Variants in USP40 observed in about 807,000 individuals in gnomAD.
The protein encoded by USP40 is ubiquitin specific peptidase 40.
Under a neutral mutation model 166.2 loss-of-function variants are expected in USP40, and 143 were observed. The ratio of observed to expected loss-of-function variants is 0.86; its 90% CI spans 0.75 to 0.99. USP40 has a LOEUF of 0.99. Ranked by LOEUF, USP40 falls within the 50% of genes least tolerant of loss-of-function variation. USP40 has a pLI of 0.00. For missense variants in USP40, 1,444 were observed against 1,479.7 expected, an observed-to-expected ratio of 0.98 and a Z score of 0.40; for synonymous variants, 498 against 524.0, an observed-to-expected ratio of 0.95 and a Z score of 0.68.
At chr2:233,518,956 G>A (rs192676893) in intron 18 of USP40, among the ~76,000 whole-genome samples, 3 of 152,266 alleles carry the variant, frequency 2.0e-5, no homozygotes, top group East Asian at 1.9e-4. Flanking sequence ...CTATTGATAC[G>A]TACTAAATCA....
intron 31 of USP40, among the ~76,000 whole-genome samples, chr2:233,478,318 T>C (rs2064315479): frequency 6.6e-6 from 1 of 152,210 alleles, no homozygotes; most frequent in Admixed American, 6.5e-5. Context: ...AGAGCCCCAG[T>C]GACTCTGCGT....
chr2:233,476,614 A>G lies in USP40; in HGVS notation c.*778T>C, dbSNP rs1432127463. ...CTGCCTGCCCCGCTTCCACACAGGA[A>G]GAGAGGCTGAGGCGCTGTGGACGGC... On this transcript the variant is annotated 3_prime_UTR_variant, in exon 32 of 32. Transcript: ENST00000678225. 1.3e-5 allele frequency: 2 copies of G among 152,540 alleles called. No individual in the cohort carries two copies. The highest frequency in any genetic ancestry group is 4.8e-5 in the African/African-American group (2 of 41,464). 9.4% of individuals were successfully genotyped at this position (152,540 alleles called of 1,614,324 possible).
intron 13 of USP40, among the ~76,000 whole-genome samples, chr2:233,526,513 G>A (rs1048591241): frequency 1.3e-5 from 2 of 151,920 alleles, no homozygotes; most frequent in African/African-American, 4.8e-5. Flanking sequence ...AGGTTAAAAG[G>A]GAAATTGCTT....
At chr2:233,551,627 AATATT>A (rs1238430085) in intron 6 of USP40, 108 bp from the exon 7 acceptor site, 1 of 1,059,266 alleles carries the variant, frequency 9.4e-7, no homozygotes, top group Non-Finnish European at 1.3e-6. Flanking sequence ...TTCTAAGAGA[AATATT>A]ACATAAACTC....
intron 2 of USP40, among the ~76,000 whole-genome samples, 177 bp downstream of exon 2, chr2:233,565,177 ATT>A (rs1236060713): frequency 6.6e-6 from 1 of 152,248 alleles, no homozygotes; most frequent in East Asian, 1.9e-4. Flanking sequence ...TATATTTAAG[ATT>A]AAGCTTCACA....
At chr2:233,566,570 TC>T in intron 1 of USP40, 113 bp downstream of exon 1, 1 of 567,500 alleles carries the variant, frequency 1.8e-6, no homozygotes, top group South Asian at 7.6e-5. Context: ...GAGCGCCGCG[TC>T]CTCAGGCAGG....
At position 233,477,037 on chromosome 2, in the gene USP40, C is replaced by A. The variant is rs57468849; in HGVS notation, c.*355G>T. On this transcript the variant is annotated 3_prime_UTR_variant, in exon 32 of 32. Coordinates refer to ENST00000678225, the MANE Select transcript of USP40 (RefSeq NM_001365479.2). ...GCCTGACCCCACACACCTCCCACAG[C>A]GGAGCAACGGCATGCCGCTGCCTCC... 1 of 350,802 alleles carries A rather than the reference C, an allele frequency of 2.9e-6. No homozygotes were observed. The highest frequency in any genetic ancestry group is 2.2e-5 in the South Asian group (1 of 44,932). The allele number at this position is 350,802 out of a possible 1,614,324, so 21.7% of individuals were successfully genotyped here.
At chr2:233,514,091 C>A (rs1393597857) in intron 18 of USP40, among the ~76,000 whole-genome samples, 1 of 152,212 alleles carries the variant, frequency 6.6e-6, no homozygotes, top group Admixed American at 6.5e-5. Context: ...TCTTTAAAAT[C>A]TGTTGGTTTT....
intron 9 of USP40, among the ~76,000 whole-genome samples, chr2:233,541,897 T>C (rs1321136721): frequency 6.6e-6 from 1 of 152,042 alleles, no homozygotes; most frequent in Non-Finnish European, 1.5e-5. Context: ...ATGACAATAA[T>C]AGCCAAAAAA....
In USP40 at chr2:233,565,378, AAG is replaced by A. The variant is rs1158356641; in HGVS notation, c.175_176del (p.Leu59SerfsTer5). 9 of 1,537,190 alleles carry A rather than the reference AAG, an allele frequency of 5.9e-6. No homozygotes were observed. Among genetic ancestry groups the A allele is most frequent in the East Asian group, 2.4e-5 (1 of 41,034 alleles). On this transcript the variant is annotated frameshift_variant, in exon 2 of 32. Transcript: ENST00000678225. LOFTEE classifies it high-confidence loss of function. ...TACCTCTGAATTCAGGTGTGAAATG[AAG>A]AGTCTGAAGAAGGGAATTGAGGTAA... The part of the protein sequence containing the change: ...TCYLNSLLQT[L>X]HFTPEFREAL...
chr2:233,483,824 C>G (rs555319922), intron 30 of USP40, among the ~76,000 whole-genome samples: 1 of 152,306 alleles, frequency 6.6e-6, no homozygotes, highest in African/African-American at 2.4e-5. Flanking sequence ...CATAGATACT[C>G]AACTTGTATA....
At chr2:233,514,488 G>A (rs2067049470) in intron 18 of USP40, among the ~76,000 whole-genome samples, 1 of 151,740 alleles carries the variant, frequency 6.6e-6, no homozygotes, top group Non-Finnish European at 1.5e-5. Context: ...GTCAGCATGG[G>A]AAGTGAGTTG....
intron 23 of USP40, among the ~76,000 whole-genome samples, chr2:233,498,000 T>C (rs1026935574): frequency 4.6e-5 from 7 of 152,218 alleles, no homozygotes; most frequent in Non-Finnish European, 1.0e-4. Flanking sequence ...GGTCTTCTTC[T>C]AAGGCTACGC....
chr2:233,557,588 G>A (rs1469640645), intron 4 of USP40, among the ~76,000 whole-genome samples: 1 of 152,140 alleles, frequency 6.6e-6, no homozygotes, highest in African/African-American at 2.4e-5. Flanking sequence ...ACCAAACCAA[G>A]GGGCACACCA....
chr2:233,489,499 G>A lies in USP40; in HGVS notation c.3013-16C>T. 6.4e-7 allele frequency: 1 copy of A among 1,566,932 alleles called. No homozygotes were observed. Among genetic ancestry groups the A allele is most frequent in the Non-Finnish European group, 8.7e-7 (1 of 1,154,712 alleles). On this transcript the variant is annotated splice_polypyrimidine_tract_variant and intron_variant, in intron 26 of 31. Transcript: ENST00000678225. ...AGGTCATGGCCTAGAAAAAGAAACAGACATTTCTCCAACGGTTTTAAAAAG... is the reference window on the plus strand; with the variant it reads ...AGGTCATGGCCTAGAAAAAGAAACAAACATTTCTCCAACGGTTTTAAAAAG...
At chr2:233,538,929 T>C (rs1348209886) in intron 10 of USP40, among the ~76,000 whole-genome samples, 4 of 152,288 alleles carry the variant, frequency 2.6e-5, no homozygotes, top group African/African-American at 9.6e-5. Context: ...CTCAGGAGGT[T>C]GAGCTAGGAG....
chr2:233,555,594 C>T (rs960513988), intron 5 of USP40, among the ~76,000 whole-genome samples: 30 of 151,200 alleles, frequency 2.0e-4, no homozygotes, highest in African/African-American at 6.6e-4. Context: ...AATTCAAAGA[C>T]ACACGCAACA....
intron 31 of USP40, among the ~76,000 whole-genome samples, chr2:233,478,035 G>A (rs967616748): frequency 2.6e-5 from 4 of 152,246 alleles, no homozygotes. Context: ...AGCCTGATGT[G>A]TGTGGCCCAC....
Position 233,494,283 on chromosome 2 carries a change from T to C in USP40, c.2791-732A>G, listed in dbSNP as rs543868028. Among the ~76,000 whole-genome samples, 25 of 151,178 alleles carry C rather than the reference T, an allele frequency of 1.7e-4. No homozygotes were observed. In the East Asian group the frequency reaches 4.6e-3, roughly 28 times the overall value. Reference sequence around the variant, plus strand: ...AACAACAAAATTCCATTTTTTTTTTTCACCTAGCAGACTGTCAAAAACCAG... The same window carrying C: ...AACAACAAAATTCCATTTTTTTTTTCCACCTAGCAGACTGTCAAAAACCAG... On this transcript the variant is annotated intron_variant, in intron 24 of 31. Coordinates refer to ENST00000678225, the MANE Select transcript of USP40 (RefSeq NM_001365479.2).
Sources: gnomAD v4.1 joint callset for allele counts (sites outside exome capture counted in the v4.1 genomes callset) on GRCh38, gnomAD v4.1.1 for gene constraint, MANE v1.5 for transcripts, NCBI Gene and HGNC (gene_info 2026-07-23, HGNC 2026-07-21) for gene names.